Variants in RAD51B observed in about 807,000 individuals in gnomAD.
The protein encoded by RAD51B is DNA repair protein RAD51 homolog 2.
In RAD51B, 38 loss-of-function variants were observed where a neutral mutation model predicts 42.2. The observed-to-expected ratio is 0.90, with a 90% CI of 0.70 to 1.18. RAD51B has a LOEUF of 1.18. Among genes scored for constraint, RAD51B ranks in the 50% most tolerant of loss-of-function variants. The probability of loss-of-function intolerance (pLI) is 0.00; values close to 1 mark genes in which losing one functional copy is unlikely to be tolerated. For missense variants in RAD51B, 373 were observed against 400.7 expected (o/e 0.93, Z 0.59); for synonymous variants, 154 against 145.2 (o/e 1.06, Z -0.43).
chr14:68,372,740 T>A (rs1202098081), intron 8 of RAD51B, among the ~76,000 whole-genome samples: 2 of 152,202 alleles, frequency 1.3e-5, no homozygotes, highest in Non-Finnish European at 2.9e-5. Flanking sequence ...CTTTTTAACT[T>A]TCTAGTTACC....
intron 7 of RAD51B, among the ~76,000 whole-genome samples, chr14:68,208,717 A>G (rs2079643806): frequency 6.6e-6 from 1 of 152,218 alleles, no homozygotes; most frequent in South Asian, 2.1e-4. Flanking sequence ...GGAAAATGAT[A>G]GAGCTTGAAC....
intron 7 of RAD51B, among the ~76,000 whole-genome samples, chr14:68,248,922 C>T (rs1340925392): frequency 1.3e-5 from 2 of 152,210 alleles, no homozygotes; most frequent in Non-Finnish European, 2.9e-5. Flanking sequence ...GGCACCCTCG[C>T]CTTTGTGTGG....
At chr14:68,134,978 A>G (rs943944732) in intron 7 of RAD51B, among the ~76,000 whole-genome samples, 1 of 152,182 alleles carries the variant, frequency 6.6e-6, no homozygotes, top group Non-Finnish European at 1.5e-5. Flanking sequence ...TTAAGGAATG[A>G]AGTATACATT....
At chr14:67,864,785 A>C in intron 4 of RAD51B, 2 of 754,490 alleles carry the variant, frequency 2.7e-6, no homozygotes, top group Non-Finnish European at 4.4e-6. Context: ...CAATTCCTCC[A>C]AGGATGGTAC....
At chr14:68,487,845 C>T (rs1883750607) in intron 10 of RAD51B, among the ~76,000 whole-genome samples, 1 of 152,164 alleles carries the variant, frequency 6.6e-6, no homozygotes, top group South Asian at 2.1e-4. Context: ...TCTCCAAATA[C>T]AATCTCACTG....
In RAD51B at chr14:68,072,069, A is replaced by G. The variant is rs971510717; in HGVS notation, c.756+184865A>G. Among the ~76,000 whole-genome samples, 2 of 107,554 alleles carry G rather than the reference A, an allele frequency of 1.9e-5. 1 individual carries two copies. The highest frequency in any genetic ancestry group is 9.5e-5 in the African/African-American group (2 of 21,050). The allele number at this position is 107,554 out of a possible 152,430, so 70.6% of individuals were successfully genotyped here. ...TATATATAATTATATATATTTATATAAATATATAAATATATATAAATATAT... is the reference window on the plus strand; with the variant it reads ...TATATATAATTATATATATTTATATGAATATATAAATATATATAAATATAT... On this transcript the variant is annotated intron_variant, in intron 7 of 10. Coordinates refer to ENST00000471583, the MANE Select transcript of RAD51B (RefSeq NM_133510.4).
At chr14:67,840,759 A>T (rs1468446288) in intron 4 of RAD51B, among the ~76,000 whole-genome samples, 1 of 151,736 alleles carries the variant, frequency 6.6e-6, no homozygotes, top group African/African-American at 2.4e-5. Context: ...ACAGTGTATA[A>T]GCATTCCATT....
At chr14:67,823,383 A>G (rs1011037508) in intron 1 of RAD51B, 159 bp from the exon 2 acceptor site, 6 of 561,198 alleles carry the variant, frequency 1.1e-5, no homozygotes, top group African/African-American at 1.9e-5. Context: ...GTTCTATAGC[A>G]TTCCTTTATC....
intron 8 of RAD51B, among the ~76,000 whole-genome samples, chr14:68,391,134 T>TTTTTCTTTCTTTCTTTC (rs1388376049): frequency 3.7e-5 from 4 of 109,080 alleles, no homozygotes; most frequent in African/African-American, 7.8e-5. Flanking sequence ...TTTATGAGAC[T>TTTTTCTTTCTTTCTTTC]TGTCTTTCTT....
rs747594190 is a variant in RAD51B, at chr14:68,621,869, A to G, written c.1037-28912A>G. Among the ~76,000 whole-genome samples the G allele has an allele frequency of 2.6e-5, 4 of 152,300 alleles. No homozygotes were observed. In the South Asian group the frequency reaches 8.3e-4, roughly 32 times the overall value. On this transcript the variant is annotated intron_variant, in intron 10 of 11. Coordinates refer to the RAD51B transcript ENST00000488612. Reference sequence around the variant, plus strand: ...TTCTGTGCACAGTGACAATGAGTGTAATTGAACCCAGAGCTTTGGGGTGCA... The same window carrying G: ...TTCTGTGCACAGTGACAATGAGTGTGATTGAACCCAGAGCTTTGGGGTGCA...
At chr14:68,229,953 C>T (rs577495772) in intron 7 of RAD51B, among the ~76,000 whole-genome samples, 28 of 152,304 alleles carry the variant, frequency 1.8e-4, no homozygotes, top group Middle Eastern at 3.4e-3. Context: ...CCACCTTCCT[C>T]ATTTCCTACT....
intron 10 of RAD51B, chr14:68,563,612 G>T: frequency 1.0e-6 from 1 of 985,464 alleles, no homozygotes. Context: ...ACAGCTGCCT[G>T]CAAGGGGTGA....
At chr14:67,902,903 G>A (rs1256236921) in intron 7 of RAD51B, among the ~76,000 whole-genome samples, 1 of 151,954 alleles carries the variant, frequency 6.6e-6, no homozygotes, top group African/African-American at 2.4e-5. Context: ...AGGCTGGAGT[G>A]CAGTGGTGTG....
intron 7 of RAD51B, among the ~76,000 whole-genome samples, chr14:68,068,949 A>C (rs969022796): frequency 6.6e-6 from 1 of 152,138 alleles, no homozygotes; most frequent in Admixed American, 6.5e-5. Flanking sequence ...GTCTTTGGTT[A>C]ATTTCCAGAG....
chr14:67,992,319 C>T (rs1380931937), intron 7 of RAD51B, among the ~76,000 whole-genome samples: 1 of 152,132 alleles, frequency 6.6e-6, no homozygotes, highest in Non-Finnish European at 1.5e-5. Context: ...GGTAAAGTGA[C>T]AACCAATTGT....
In RAD51B at chr14:68,131,757, C is replaced by G. The variant is rs191789176; in HGVS notation, c.757-160127C>G. On this transcript the variant is annotated intron_variant, in intron 7 of 10. Transcript: ENST00000471583. ...CCTATCGCTCTCTGTTCTGGTCAGA[C>G]CACCTTTTGTTTGACTGCCATGTGT... Among the ~76,000 whole-genome samples, 441 of 152,192 alleles carry G rather than the reference C, an allele frequency of 2.9e-3. 1 individual carries two copies. Among genetic ancestry groups the G allele is most frequent in the African/African-American group, 0.01 (421 of 41,540 alleles).
chr14:68,195,678 G>T (rs2079354565), intron 7 of RAD51B, among the ~76,000 whole-genome samples: 1 of 152,068 alleles, frequency 6.6e-6, no homozygotes, highest in Non-Finnish European at 1.5e-5. Context: ...GGAGGCTGAG[G>T]CAGGTGGATC....
intron 7 of RAD51B, among the ~76,000 whole-genome samples, chr14:68,138,397 C>T (rs1371904586): frequency 6.6e-6 from 1 of 152,094 alleles, no homozygotes; most frequent in Non-Finnish European, 1.5e-5. Context: ...GCAAAGGCTC[C>T]TAGCAAAATG....
intron 11 of RAD51B, among the ~76,000 whole-genome samples, chr14:68,677,203 G>A (rs927375196): frequency 1.3e-5 from 2 of 152,104 alleles, no homozygotes; most frequent in African/African-American, 2.4e-5. Context: ...CAAGCAGAAT[G>A]GGGACTTCTT....
Sources: gnomAD v4.1 joint callset for allele counts (sites outside exome capture counted in the v4.1 genomes callset) on GRCh38, gnomAD v4.1.1 for gene constraint, MANE v1.5 for transcripts, NCBI Gene and HGNC (gene_info 2026-07-23, HGNC 2026-07-21) for gene names.